Variants in CAMTA1 observed in about 807,000 individuals in gnomAD.
CAMTA1 encodes calmodulin binding transcription activator 1.
CAMTA1 carries 27 observed loss-of-function variants against 170.9 expected under a neutral mutation model. The observed-to-expected ratio is 0.16, with a 90% CI of 0.12 to 0.22. CAMTA1 has a LOEUF of 0.22. CAMTA1 is among the 10% of genes least tolerant of loss of function. CAMTA1 has a pLI of 1.00. For missense variants in CAMTA1, 1,619 were observed against 2,217.2 expected, an observed-to-expected ratio of 0.73 and a Z score of 5.42; for synonymous variants, 833 against 891.5, an observed-to-expected ratio of 0.93 and a Z score of 1.17.
chr1:6,904,327 G>A lies in CAMTA1; in HGVS notation c.234+79117G>A, dbSNP rs114514652. Among the ~76,000 whole-genome samples the A allele has an allele frequency of 2.2e-4, 34 of 152,270 alleles. 1 individual carries two copies. Among genetic ancestry groups the A allele is most frequent in the African/African-American group, 8.2e-4 (34 of 41,544 alleles). ...TGAAAGGAGACCTGTCTCTCCCTCA[G>A]CCCTGGGACACCGTCTTCCTGCCTC... On this transcript the variant is annotated intron_variant, in intron 3 of 22. Coordinates refer to ENST00000303635, the MANE Select transcript of CAMTA1 (RefSeq NM_015215.4).
At chr1:7,276,764 A>G (rs1353751029) in intron 5 of CAMTA1, among the ~76,000 whole-genome samples, 2 of 152,220 alleles carry the variant, frequency 1.3e-5, no homozygotes, top group Non-Finnish European at 2.9e-5. Flanking sequence ...CAGATGGAAA[A>G]GAAAGGAGTG....
intron 4 of CAMTA1, among the ~76,000 whole-genome samples, chr1:7,181,898 G>A (rs948467684): frequency 1.3e-5 from 2 of 151,934 alleles, no homozygotes; most frequent in African/African-American, 2.4e-5. Context: ...CAGTAACCAC[G>A]ATAACCCTGC....
At chr1:7,602,142 TCCTCCCTC>T (rs1159134531) in intron 6 of CAMTA1, among the ~76,000 whole-genome samples, 2 of 87,364 alleles carry the variant, frequency 2.3e-5, no homozygotes, top group African/African-American at 1.0e-4. Flanking sequence ...CTTCCTTCCT[TCCTCCCTC>T]CCTCCCTCCC....
At chr1:7,013,747 G>A (rs1700149838) in intron 3 of CAMTA1, among the ~76,000 whole-genome samples, 1 of 152,192 alleles carries the variant, frequency 6.6e-6, no homozygotes, top group Non-Finnish European at 1.5e-5. Flanking sequence ...GTTCTACATT[G>A]TGTTCTTGGT....
intron 6 of CAMTA1, among the ~76,000 whole-genome samples, chr1:7,507,028 A>G (rs539825922): frequency 1.3e-5 from 2 of 149,312 alleles, no homozygotes; most frequent in South Asian, 2.1e-4. Flanking sequence ...CACACTCAAA[A>G]CTCATGCTCA....
rs189381367 is a variant in CAMTA1, at chr1:6,793,852, C to A, written c.45+8277C>A. Among the ~76,000 whole-genome samples the A allele has an allele frequency of 6.0e-3, 917 of 152,282 alleles. 8 individuals carry two copies. The highest frequency in any genetic ancestry group is 0.02 in the African/African-American group (818 of 41,554). The stretch of plus-strand genomic sequence containing the variant: ...CAATCAAGAATTAATGTTCTTAAAA[C>A]TTAAATTTGTTTTTTAATCCTTTTC... On this transcript the variant is annotated intron_variant, in intron 1 of 22. Coordinates refer to ENST00000303635, the MANE Select transcript of CAMTA1 (RefSeq NM_015215.4).
chr1:7,598,560 A>G (rs1031326267), intron 6 of CAMTA1, among the ~76,000 whole-genome samples: 5 of 152,168 alleles, frequency 3.3e-5, no homozygotes, highest in Non-Finnish European at 7.3e-5. Context: ...CAACAGTGTA[A>G]AAGTGTTCCT....
rs533435998 is a variant in CAMTA1, at chr1:6,937,293, T to A, written c.234+112083T>A. Among the ~76,000 whole-genome samples the A allele has an allele frequency of 7.1e-3, 935 of 131,438 alleles. 16 individuals carry two copies. The highest frequency in any genetic ancestry group is 0.026 in the African/African-American group (867 of 33,760). The allele number at this position is 131,438 out of a possible 152,430, so 86.2% of individuals were successfully genotyped here. A position where few individuals can be genotyped will look rare whatever the true frequency, so the allele number is the denominator to read the frequency against. On this transcript the variant is annotated intron_variant, in intron 3 of 22. Coordinates refer to ENST00000303635, the MANE Select transcript of CAMTA1 (RefSeq NM_015215.4). The stretch of plus-strand genomic sequence containing the variant: ...CCATCATCACCATCACCATCCCCAT[T>A]CACTACTTACCACCACCATCATCAC...
intron 6 of CAMTA1, among the ~76,000 whole-genome samples, chr1:7,606,370 GTGT>G (rs2095486744): frequency 6.6e-6 from 1 of 152,202 alleles, no homozygotes; most frequent in Non-Finnish European, 1.5e-5. Context: ...GGGCAGCAAT[GTGT>G]GACACTCCCT....
intron 3 of CAMTA1, among the ~76,000 whole-genome samples, chr1:6,941,697 A>G (rs1189549672): frequency 6.6e-6 from 1 of 152,100 alleles, no homozygotes; most frequent in African/African-American, 2.4e-5. Context: ...GGTGAGAGTC[A>G]CTCCTGAAGT....
At chr1:7,012,648 G>GC (rs1242811022) in intron 3 of CAMTA1, among the ~76,000 whole-genome samples, 2 of 152,094 alleles carry the variant, frequency 1.3e-5, no homozygotes, top group Non-Finnish European at 2.9e-5. Context: ...GTGGCTGATT[G>GC]CCCCTCTCTG....
chr1:6,808,636 G>A (rs1051057030), intron 1 of CAMTA1, among the ~76,000 whole-genome samples: 2 of 152,194 alleles, frequency 1.3e-5, no homozygotes, highest in African/African-American at 4.8e-5. Flanking sequence ...TTGCATTGGA[G>A]TTGCTTGTTT....
At chr1:7,591,641 G>T (rs1286884256) in intron 6 of CAMTA1, among the ~76,000 whole-genome samples, 1 of 152,204 alleles carries the variant, frequency 6.6e-6, no homozygotes, top group African/African-American at 2.4e-5. Flanking sequence ...AATCCCTCCC[G>T]TGACTCCTGT....
At chr1:7,536,175 T>C (rs2150075348) in intron 6 of CAMTA1, among the ~76,000 whole-genome samples, 1 of 152,230 alleles carries the variant, frequency 6.6e-6, no homozygotes, top group East Asian at 1.9e-4. Flanking sequence ...CCCGTCATCG[T>C]GTGTATTAAG....
intron 3 of CAMTA1, among the ~76,000 whole-genome samples, chr1:6,894,456 G>C (rs970183994): frequency 6.6e-6 from 1 of 152,176 alleles, no homozygotes; most frequent in Admixed American, 6.5e-5. Context: ...ATAATTAAAA[G>C]ATTTGCTCAA....
chr1:7,243,283 A>C (rs2412150), intron 4 of CAMTA1, among the ~76,000 whole-genome samples: 104,776 of 152,126 alleles, frequency 0.69, 37,209 homozygotes, highest in African/African-American at 0.87. Flanking sequence ...AAAAAAAATT[A>C]CTGATGGGAT....
At chr1:6,998,212 G>C (rs1352498448) in intron 3 of CAMTA1, among the ~76,000 whole-genome samples, 1 of 151,942 alleles carries the variant, frequency 6.6e-6, no homozygotes, top group Non-Finnish European at 1.5e-5. Context: ...CGAGTAGCTG[G>C]GACTACAGGT....
At chr1:7,670,002 C>T (rs1043681678) in intron 9 of CAMTA1, among the ~76,000 whole-genome samples, 3 of 152,220 alleles carry the variant, frequency 2.0e-5, no homozygotes, top group African/African-American at 4.8e-5. Flanking sequence ...CCAGGCTGGT[C>T]GGAACGGGGA....
intron 4 of CAMTA1, among the ~76,000 whole-genome samples, chr1:7,247,037 GC>G (rs1665926972): frequency 6.6e-6 from 1 of 152,192 alleles, no homozygotes; most frequent in Admixed American, 6.5e-5. Flanking sequence ...TTTCTCCTTT[GC>G]TGTTCCTAGG....
Sources: gnomAD v4.1 joint callset for allele counts (sites outside exome capture counted in the v4.1 genomes callset) on GRCh38, gnomAD v4.1.1 for gene constraint, MANE v1.5 for transcripts, NCBI Gene and HGNC (gene_info 2026-07-23, HGNC 2026-07-21) for gene names.